The following ZYX variants were observed in gnomAD, a reference collection of about 807,000 sequenced individuals.
The protein encoded by ZYX is zyxin.
Under a neutral mutation model 58.1 loss-of-function variants are expected in ZYX, and 37 were observed. That is an observed-to-expected ratio of 0.64 (90% CI 0.49 to 0.84). ZYX has a LOEUF of 0.84. ZYX is among the 40% of genes least tolerant of loss of function. The probability of loss-of-function intolerance (pLI) is 0.00; values close to 1 mark genes in which losing one functional copy is unlikely to be tolerated. For missense variants in ZYX, 762 were observed against 761.6 expected, an observed-to-expected ratio of 1.00 and a Z score of -0.01; for synonymous variants, 324 against 321.1, an observed-to-expected ratio of 1.01 and a Z score of -0.10.
chr7:143,388,864 T>G lies in ZYX; in HGVS notation c.1412T>G (p.Val471Gly). 6.2e-7 allele frequency: 1 copy of G among 1,613,974 alleles called. No homozygotes were observed. Among genetic ancestry groups the G allele is most frequent in the African/African-American group, 1.3e-5 (1 of 75,060 alleles). ...KAYHPHCFTC[V>G]VCARPLEGTS... is the part of the protein sequence containing the mutation. ...TATCACCCGCACTGCTTCACCTGTGTGGTCTGCGCCCGCCCCCTGGAGGGC... is the reference window on the plus strand; with the variant it reads ...TATCACCCGCACTGCTTCACCTGTGGGGTCTGCGCCCGCCCCCTGGAGGGC... The change falls in exon 8 of 10, where the codon GTG becomes GGG. Residue 471 changes from valine to glycine, a missense_variant. By Grantham distance (109) the Val-to-Gly change is moderately radical (BLOSUM62 -3). Transcript: ENST00000322764. The surrounding 1 kb of genome is among the most constrained non-coding windows in gnomAD (Gnocchi z 7.5).
At position 143,382,311 on chromosome 7, in the gene ZYX, G is replaced by T; in HGVS notation, c.272G>T (p.Gly91Val). The T allele has an allele frequency of 6.2e-7, 1 of 1,610,786 alleles. No homozygotes were observed. The highest frequency in any genetic ancestry group is 8.5e-7 in the Non-Finnish European group (1 of 1,178,284). Residue 91 changes from glycine (G) to valine (V), a missense_variant, in exon 3 of 10, where the codon GGT becomes GTT. Gly to Val is a moderately radical substitution (Grantham distance 109). Transcript: ENST00000322764. ...GACGATGCAGAGGGTGCTCTGGGAG[G>T]TGCCTTCCCGCCGCCCCCTCCCCCG... ...DGDDAEGALG[G>V]AFPPPPPPIE...
chr7:143,382,062 T>C (rs897433417), intron 2 of ZYX, 186 bp from the exon 3 acceptor site: 8 of 616,948 alleles, frequency 1.3e-5, no homozygotes, highest in Non-Finnish European at 2.2e-5. Flanking sequence ...GCACCACTCC[T>C]CGGCAGTGCG....
In ZYX at chr7:143,390,687, G is replaced by GGACA; in HGVS notation, c.*7_*10dup. On this transcript the variant is annotated 3_prime_UTR_variant, in exon 10 of 10. Coordinates refer to ENST00000322764, the MANE Select transcript of ZYX (RefSeq NM_003461.5). This position sits in a 1 kb window ranked among gnomAD's most constrained non-coding sequence, Gnocchi z 4.3. ...ACTGCTAGAGCCCAGACCTGAGTGA[G>GGACA]GACAGGCCCTCTTCAGACCGCAGTC... 6.4e-7 allele frequency: 1 copy of GGACA among 1,569,260 alleles called. No individual in the cohort carries two copies. The highest frequency in any genetic ancestry group is 8.6e-7 in the Non-Finnish European group (1 of 1,156,242).
chr7:143,389,710 C>A lies in ZYX; in HGVS notation c.1494-147C>A. 1 of 1,139,980 alleles carries A rather than the reference C, an allele frequency of 8.8e-7. No individual in the cohort carries two copies. The highest frequency in any genetic ancestry group is 1.2e-6 in the Non-Finnish European group (1 of 822,876). 70.6% of individuals were successfully genotyped at this position (1,139,980 alleles called of 1,614,324 possible). A position where few individuals can be genotyped will look rare whatever the true frequency, so the allele number is the denominator to read the frequency against. On this transcript the variant is annotated intron_variant, in intron 8 of 9. Transcript: ENST00000322764. This position sits in a 1 kb window ranked among gnomAD's most constrained non-coding sequence, Gnocchi z 5.6. ...TTGATGAGGGCCAGTCATGGTGTCT[C>A]ACTCTTAGGCCCTTCTGGTGAGCTT...
chr7:143,382,928 C>T lies in ZYX; in HGVS notation c.629C>T (p.Pro210Leu), dbSNP rs766959713. Residue 210 changes from proline (P) to leucine (L), a missense_variant, in exon 5 of 10, where the codon CCC (proline) becomes CTC (leucine). Transcript: ENST00000322764. ...TCCCCTTCCAGCTCCCAGCCTCTGCCCCAGGTTCCGGCTCCGGCTCAGAGC... is the reference window on the plus strand; with the variant it reads ...TCCCCTTCCAGCTCCCAGCCTCTGCTCCAGGTTCCGGCTCCGGCTCAGAGC... ...WKSPSSSQPL[P>L]QVPAPAQSQT... 9.3e-6 allele frequency: 15 copies of T among 1,614,092 alleles called. No individual in the cohort carries two copies. The highest frequency in any genetic ancestry group is 7.7e-5 in the South Asian group (7 of 91,078).
In ZYX at chr7:143,384,646, C is replaced by T. The variant is rs1230755996; in HGVS notation, c.1023+1324C>T. ...ATGTTAGCTGCAATGAAAATTAAACCGTGCATGTGAGAGCTGTGTGCTAGA... is the reference window on the plus strand; with the variant it reads ...ATGTTAGCTGCAATGAAAATTAAACTGTGCATGTGAGAGCTGTGTGCTAGA... On this transcript the variant is annotated intron_variant, in intron 5 of 9. Coordinates refer to ENST00000322764, the MANE Select transcript of ZYX (RefSeq NM_003461.5). The surrounding 1 kb of genome is among the most constrained non-coding windows in gnomAD (Gnocchi z 4.9). 2.6e-5 allele frequency among the ~76,000 whole-genome samples: 4 copies of T among 152,056 alleles called. No individual in the cohort carries two copies. The highest frequency in any genetic ancestry group is 4.4e-5 in the Non-Finnish European group (3 of 68,016).
rs749476104 is a variant in ZYX at position 143,388,327 on chromosome 7, G to A, written c.1132G>A (p.Val378Met). 6.2e-7 allele frequency: 1 copy of A among 1,613,714 alleles called. No homozygotes were observed. The highest frequency in any genetic ancestry group is 8.5e-7 in the Non-Finnish European group (1 of 1,179,852). ...QDMEHPQRQN[V>M]AVNELCGRCH... ...CATGGAGCATCCTCAGAGGCAGAAT[G>A]TGGCTGTCAACGGTGAGCCCACCCC... is the stretch of plus-strand genomic sequence containing the variant. The change falls in exon 6 of 10, where the codon GTG becomes ATG. Residue 378 changes from valine to methionine, a missense_variant. Coordinates refer to ENST00000322764, the MANE Select transcript of ZYX (RefSeq NM_003461.5). This position sits in a 1 kb window ranked among gnomAD's most constrained non-coding sequence, Gnocchi z 7.5.
In ZYX at chr7:143,388,130, C is replaced by T; in HGVS notation, c.1024-89C>T. ...TCTGGGACACGAGCTGGGAGCTAAGCCTCATCGGAAGAAGCCGGGTAGGCT... is the reference window on the plus strand; with the variant it reads ...TCTGGGACACGAGCTGGGAGCTAAGTCTCATCGGAAGAAGCCGGGTAGGCT... On this transcript the variant is annotated intron_variant, in intron 5 of 9. Coordinates refer to ENST00000322764, the MANE Select transcript of ZYX (RefSeq NM_003461.5). This position sits in a 1 kb window ranked among gnomAD's most constrained non-coding sequence, Gnocchi z 7.5. 3 of 1,469,142 alleles carry T rather than the reference C, an allele frequency of 2.0e-6. No individual in the cohort carries two copies. In the South Asian group the frequency reaches 4.0e-5, roughly 20 times the overall value. The allele number at this position is 1,469,142 out of a possible 1,614,324, so 91.0% of individuals were successfully genotyped here. A position where few individuals can be genotyped will look rare whatever the true frequency, so the allele number is the denominator to read the frequency against.
rs193126773 is a variant in ZYX, at chr7:143,382,543, G to A, written c.409-50G>A. 1.7e-5 allele frequency: 28 copies of A among 1,606,500 alleles called. No homozygotes were observed. In the East Asian group the frequency reaches 5.8e-4, roughly 33 times the overall value. On this transcript the variant is annotated intron_variant, in intron 3 of 9. Coordinates refer to ENST00000322764, the MANE Select transcript of ZYX (RefSeq NM_003461.5). The stretch of plus-strand genomic sequence containing the variant: ...ACCTCCCCTGCACCTCTGCCTTGGG[G>A]GTGGGGGGATAGAGGCATGGAATAG...
Position 143,388,812 on chromosome 7 carries a change from C to G in ZYX, c.1360C>G (p.Arg454Gly), listed in dbSNP as rs544381844. 6.2e-7 allele frequency: 1 copy of G among 1,613,952 alleles called. No homozygotes were observed. ...CACCTGCGGGGAGCCCATCACTGAC[C>G]GCATGCTGAGGGCCACGGGCAAGGC... ...CNTCGEPITDRMLRATGKAYH... is the reference protein window; with the variant it reads ...CNTCGEPITDGMLRATGKAYH... The change falls in exon 8 of 10, where the codon CGC becomes GGC. Residue 454 changes from arginine (R) to glycine (G), a missense_variant. Physicochemically the swap from Arg to Gly is moderately radical, Grantham distance 125 (BLOSUM62 -2). Transcript: ENST00000322764. This position sits in a 1 kb window ranked among gnomAD's most constrained non-coding sequence, Gnocchi z 7.5.
Position 143,381,603 on chromosome 7 carries a change from C to A in ZYX, c.32C>A (p.Ser11Tyr). Reference sequence around the variant, plus strand: ...GCCCCCCGCCCGTCTCCCGCGATCTCCGTTTCGGTCTCGGCTCCGGCTTTT... The same window carrying A: ...GCCCCCCGCCCGTCTCCCGCGATCTACGTTTCGGTCTCGGCTCCGGCTTTT... MAAPRPSPAI[S>Y]VSVSAPAFYA... The change falls in exon 2 of 10, where the codon TCC (serine) becomes TAC (tyrosine). Residue 11 changes from serine to tyrosine, a missense_variant. Coordinates refer to ENST00000322764, the MANE Select transcript of ZYX (RefSeq NM_003461.5). 2 of 1,611,702 alleles carry A rather than the reference C, an allele frequency of 1.2e-6. No homozygotes were observed. The highest frequency in any genetic ancestry group is 1.1e-5 in the South Asian group (1 of 91,036).
rs899996000 is a variant in ZYX, at chr7:143,389,072, T to C, written c.1493+127T>C. On this transcript the variant is annotated intron_variant, in intron 8 of 9. Transcript: ENST00000322764. The surrounding 1 kb of genome is among the most constrained non-coding windows in gnomAD (Gnocchi z 5.6). Reference sequence around the variant, plus strand: ...GTTTTCTGGTCCCATGTCCTGTCTGTAAACAGCAGGGACCAAGTCATCGGG... The same window carrying C: ...GTTTTCTGGTCCCATGTCCTGTCTGCAAACAGCAGGGACCAAGTCATCGGG... 2.3e-5 allele frequency: 26 copies of C among 1,126,030 alleles called. No individual in the cohort carries two copies. In the African/African-American group the frequency reaches 3.9e-4, roughly 17 times the overall value. 69.8% of individuals were successfully genotyped at this position (1,126,030 alleles called of 1,614,324 possible).
Position 143,382,988 on chromosome 7 carries a change from C to T in ZYX, c.689C>T (p.Pro230Leu), listed in dbSNP as rs938753437. ...TQFHVQPQPQ[P>L]KPQVQLHVQS... ...TTCCATGTTCAGCCCCAGCCCCAGC[C>T]CAAGCCTCAGGTCCAACTCCATGTC... Residue 230 changes from proline (P) to leucine (L), a missense_variant, in exon 5 of 10, where the codon CCC becomes CTC. Pro to Leu is a moderately conservative substitution (Grantham distance 98). Coordinates refer to ENST00000322764, the MANE Select transcript of ZYX (RefSeq NM_003461.5). The T allele has an allele frequency of 4.3e-6, 7 of 1,613,622 alleles. No individual in the cohort carries two copies. The Middle Eastern group carries it at 5.0e-4, about 114-fold the overall frequency.
Position 143,390,433 on chromosome 7 carries a change from T to G in ZYX, c.1615-145T>G, listed in dbSNP as rs760945098. ...TGGAAGTAGGATAGGGATGGGGAGT[T>G]GGGTGTGGCTGGAAAAAGCGATGAC... is the stretch of plus-strand genomic sequence containing the variant. On this transcript the variant is annotated intron_variant, in intron 9 of 9. Coordinates refer to ENST00000322764, the MANE Select transcript of ZYX (RefSeq NM_003461.5). This position sits in a 1 kb window ranked among gnomAD's most constrained non-coding sequence, Gnocchi z 4.3. 2.4e-5 allele frequency: 16 copies of G among 653,718 alleles called. No individual in the cohort carries two copies. The highest frequency in any genetic ancestry group is 3.8e-5 in the Non-Finnish European group (14 of 372,870). The allele number at this position is 653,718 out of a possible 1,614,324, so 40.5% of individuals were successfully genotyped here. A position where few individuals can be genotyped will look rare whatever the true frequency, so the allele number is the denominator to read the frequency against.
rs934790239 is a variant in ZYX, at chr7:143,387,047, A to G, written c.1024-1172A>G. Among the ~76,000 whole-genome samples, 4 of 152,178 alleles carry G rather than the reference A, an allele frequency of 2.6e-5. No homozygotes were observed. Among genetic ancestry groups the G allele is most frequent in the Non-Finnish European group, 5.9e-5 (4 of 68,038 alleles). On this transcript the variant is annotated intron_variant, in intron 5 of 9. Coordinates refer to ENST00000322764, the MANE Select transcript of ZYX (RefSeq NM_003461.5). The surrounding 1 kb of genome is among the most constrained non-coding windows in gnomAD (Gnocchi z 5.8). ...ACTGAGCCCCTTCACTGTGTCCCCA[A>G]GAGGCCAGGAAGGGAAGATTGGAGG... is the stretch of plus-strand genomic sequence containing the variant.
chr7:143,388,172 T>C lies in ZYX; in HGVS notation c.1024-47T>C, dbSNP rs1804934783. 3.2e-6 allele frequency: 5 copies of C among 1,551,138 alleles called. No individual in the cohort carries two copies. The highest frequency in any genetic ancestry group is 4.4e-6 in the Non-Finnish European group (5 of 1,148,036). Reference sequence around the variant, plus strand: ...GGGTAGGCTGGCCTGGGAAGGTTCTTGGAGGCAGCAGCCCTCTAGAGTGTG... The same window carrying C: ...GGGTAGGCTGGCCTGGGAAGGTTCTCGGAGGCAGCAGCCCTCTAGAGTGTG... On this transcript the variant is annotated intron_variant, in intron 5 of 9. Coordinates refer to ENST00000322764, the MANE Select transcript of ZYX (RefSeq NM_003461.5). The surrounding 1 kb of genome is among the most constrained non-coding windows in gnomAD (Gnocchi z 7.5).
In ZYX at chr7:143,382,426, C is replaced by T; in HGVS notation, c.387C>T (p.Ala129=). The T allele has an allele frequency of 1.3e-6, 2 of 1,587,088 alleles. No homozygotes were observed. Among genetic ancestry groups the T allele is most frequent in the Non-Finnish European group, 1.7e-6 (2 of 1,168,122 alleles). The change falls in exon 3 of 10, where the codon GCC becomes GCT. Residue 129 remains alanine (A), a synonymous_variant. Transcript: ENST00000322764. ...CGGAGGAGGAGGGAGGGCCTGAGGC[C>T]CCCATACCGCCCCCACCACAGGTAC... is the stretch of plus-strand genomic sequence containing the variant. The part of the protein sequence containing the change: ...PPPEEEGGPE[A]PIPPPPQPRE...
chr7:143,382,663 A>AG lies in ZYX; in HGVS notation c.480dup (p.Asn161GlufsTer2). On this transcript the variant is annotated frameshift_variant, in exon 4 of 10. Coordinates refer to ENST00000322764, the MANE Select transcript of ZYX (RefSeq NM_003461.5). LOFTEE classifies it high-confidence loss of function. Reference sequence around the variant, plus strand: ...TCCTCACTGCTGGATGACATGACCAAGAATGATCCTTTCAAAGCCCGGGTA... The same window carrying AG: ...TCCTCACTGCTGGATGACATGACCAAGGAATGATCCTTTCAAAGCCCGGGTA... The AG allele has an allele frequency of 6.2e-7, 1 of 1,614,110 alleles. No homozygotes were observed. Among genetic ancestry groups the AG allele is most frequent in the Non-Finnish European group, 8.5e-7 (1 of 1,179,988 alleles).
chr7:143,384,352 G>C lies in ZYX; in HGVS notation c.1023+1030G>C. On this transcript the variant is annotated intron_variant, in intron 5 of 9. Transcript: ENST00000322764. The surrounding 1 kb of genome is among the most constrained non-coding windows in gnomAD (Gnocchi z 4.9). Reference sequence around the variant, plus strand: ...AATCCAGAGAGGAGAGGGATGTTTGGAGAACAGAAAGTGGAAGGTTCCTGT... The same window carrying C: ...AATCCAGAGAGGAGAGGGATGTTTGCAGAACAGAAAGTGGAAGGTTCCTGT... 3 of 445,504 alleles carry C rather than the reference G, an allele frequency of 6.7e-6. No homozygotes were observed. Among genetic ancestry groups the C allele is most frequent in the South Asian group, 4.8e-5 (3 of 62,010 alleles). 27.6% of individuals were successfully genotyped at this position (445,504 alleles called of 1,614,324 possible).
Sources: allele counts gnomAD v4.1 joint callset (sites outside exome capture counted in the v4.1 genomes callset), GRCh38; gene constraint gnomAD v4.1.1; non-coding constraint Gnocchi (gnomAD v3.1); transcripts MANE v1.5; gene names NCBI Gene and HGNC (gene_info 2026-07-23, HGNC 2026-07-21).